Variants in ADAMTSL1 observed in about 807,000 individuals in gnomAD.
The protein encoded by ADAMTSL1 is ADAMTS like 1.
ADAMTSL1 carries 126 observed loss-of-function variants against 201.8 expected under a neutral mutation model. The observed-to-expected ratio is 0.62, with a 90% confidence interval of 0.54 to 0.72. The LOEUF (loss-of-function observed/expected upper bound fraction) is 0.72, where lower values mean the gene tolerates loss of function less well. Ranked by LOEUF, ADAMTSL1 falls within the 30% of genes least tolerant of loss-of-function variation. The pLI, the probability that ADAMTSL1 is intolerant of heterozygous loss-of-function variation, is 0.00. For synonymous variants in ADAMTSL1, 1,121 were observed against 903.4 expected, an observed-to-expected ratio of 1.24 and a Z score of -4.32; for missense variants, 2,679 against 2,277.8, an observed-to-expected ratio of 1.18 and a Z score of -3.59.
At chr9:18,214,002 G>T (rs1829976418) in intron 2 of ADAMTSL1, among the ~76,000 whole-genome samples, 1 of 152,126 alleles carries the variant, frequency 6.6e-6, no homozygotes, top group Admixed American at 6.6e-5. Flanking sequence ...CTCCCAAAGT[G>T]CTGGGATTAC....
chr9:18,617,708 C>T (rs1332466293), intron 4 of ADAMTSL1, among the ~76,000 whole-genome samples: 2 of 152,142 alleles, frequency 1.3e-5, no homozygotes, highest in Non-Finnish European at 2.9e-5. Context: ...TGATAACCCA[C>T]TAGTGGTATC....
At chr9:17,995,834 G>C (rs548669590) in intron 1 of ADAMTSL1, among the ~76,000 whole-genome samples, 1 of 151,278 alleles carries the variant, frequency 6.6e-6, no homozygotes, top group Non-Finnish European at 1.5e-5. Context: ...GGAAATAGAG[G>C]ATCCAGGTTC....
chr9:18,003,171 C>T (rs1337422854), intron 1 of ADAMTSL1, among the ~76,000 whole-genome samples: 4 of 152,098 alleles, frequency 2.6e-5, no homozygotes, highest in East Asian at 3.9e-4. Context: ...CACTAGCTTC[C>T]AGGCTCATCC....
chr9:17,966,867 GGT>G (rs1365275056), intron 1 of ADAMTSL1, among the ~76,000 whole-genome samples: 1 of 151,938 alleles, frequency 6.6e-6, no homozygotes, highest in African/African-American at 2.4e-5. Flanking sequence ...AAAGAAAAAG[GGT>G]GTAATATTTT....
chr9:18,786,208 G>C, intron 19 of ADAMTSL1, among the ~76,000 whole-genome samples: 1 of 152,196 alleles, frequency 6.6e-6, no homozygotes, highest in Non-Finnish European at 1.5e-5. Flanking sequence ...TAGGGAAATG[G>C]CTAAGTCTAA....
intron 2 of ADAMTSL1, among the ~76,000 whole-genome samples, chr9:18,170,669 C>G (rs1018215485): frequency 6.6e-6 from 1 of 151,930 alleles, no homozygotes; most frequent in South Asian, 2.1e-4. Flanking sequence ...AAAGAAAAAG[C>G]CTGGATTGTT....
At chr9:18,265,786 A>G (rs1453747087) in intron 2 of ADAMTSL1, among the ~76,000 whole-genome samples, 1 of 152,216 alleles carries the variant, frequency 6.6e-6, no homozygotes, top group Non-Finnish European at 1.5e-5. Flanking sequence ...GAAGACAGCT[A>G]AATGTTTAGG....
At chr9:18,892,668 A>T in intron 26 of ADAMTSL1, 72 bp downstream of exon 26, 2 of 1,478,124 alleles carry the variant, frequency 1.4e-6, no homozygotes, top group Non-Finnish European at 1.8e-6. Flanking sequence ...TAGGAAGTGA[A>T]ATGCTATCAC....
intron 1 of ADAMTSL1, among the ~76,000 whole-genome samples, chr9:17,916,552 A>T (rs1054061628): frequency 6.6e-6 from 1 of 152,096 alleles, no homozygotes; most frequent in African/African-American, 2.4e-5. Flanking sequence ...TTGTTTTTGC[A>T]TGACTTTTTG....
At chr9:17,918,824 T>G (rs1490652897) in intron 1 of ADAMTSL1, among the ~76,000 whole-genome samples, 1 of 151,918 alleles carries the variant, frequency 6.6e-6, no homozygotes, top group Non-Finnish European at 1.5e-5. Flanking sequence ...CTTGCAGTTC[T>G]AATAGTTTTT....
At chr9:18,049,062 C>T (rs1042771071) in intron 1 of ADAMTSL1, among the ~76,000 whole-genome samples, 5 of 152,104 alleles carry the variant, frequency 3.3e-5, no homozygotes, top group Non-Finnish European at 7.4e-5. Context: ...CATCTTCACA[C>T]TGCTGCTTTC....
chr9:18,613,264 G>C (rs1356897982), intron 4 of ADAMTSL1, among the ~76,000 whole-genome samples: 1 of 152,180 alleles, frequency 6.6e-6, no homozygotes, highest in African/African-American at 2.4e-5. Flanking sequence ...ACTGTTGGTG[G>C]GAGTGTAAAT....
At chr9:18,193,175 T>C (rs888285123) in intron 2 of ADAMTSL1, among the ~76,000 whole-genome samples, 4 of 152,164 alleles carry the variant, frequency 2.6e-5, no homozygotes, top group Non-Finnish European at 4.4e-5. Context: ...CAGATTCAAA[T>C]AACTTTCAAG....
intron 1 of ADAMTSL1, among the ~76,000 whole-genome samples, chr9:18,090,831 C>T (rs1823979854): frequency 6.6e-6 from 1 of 152,092 alleles, no homozygotes; most frequent in South Asian, 2.1e-4. Context: ...CCAACTTTAT[C>T]TCTGCCTTCT....
In ADAMTSL1 at chr9:18,827,412, G is replaced by T. The variant is rs529972376; in HGVS notation, c.4114+949G>T. On this transcript the variant is annotated intron_variant, in intron 22 of 28. Transcript: ENST00000380548. ...AGAGTTGAAGATATACCAACACATA[G>T]GTCCTTCTAGACCCTGCCCACTCAG... Among the ~76,000 whole-genome samples, 130 of 151,614 alleles carry T rather than the reference G, an allele frequency of 8.6e-4. 2 individuals are homozygous for T. Among genetic ancestry groups the T allele is most frequent in the Middle Eastern group, 6.8e-3 (2 of 294 alleles).
At position 18,639,205 on chromosome 9, in the gene ADAMTSL1, G is replaced by A. The variant is rs774739164; in HGVS notation, c.677-49G>A. On this transcript the variant is annotated intron_variant, in intron 6 of 28. Transcript: ENST00000380548. The stretch of plus-strand genomic sequence containing the variant: ...GTTGCATGAAATGTGCTTGCCTGTG[G>A]TTGCCCTAGGAACATCTTTCTCTCA... The A allele has an allele frequency of 5.0e-6, 8 of 1,589,648 alleles. No individual in the cohort carries two copies. In the South Asian group the frequency reaches 7.8e-5, roughly 15 times the overall value.
At chr9:18,130,386 T>A (rs1389977150) in intron 1 of ADAMTSL1, among the ~76,000 whole-genome samples, 1 of 152,166 alleles carries the variant, frequency 6.6e-6, no homozygotes, top group East Asian at 1.9e-4. Context: ...ATGACTACAT[T>A]CTCATTTCCC....
At chr9:18,628,060 C>T (rs2132715068) in intron 5 of ADAMTSL1, among the ~76,000 whole-genome samples, 1 of 152,226 alleles carries the variant, frequency 6.6e-6, no homozygotes, top group Non-Finnish European at 1.5e-5. Flanking sequence ...TTCAAAATTG[C>T]TTAATGTTAT....
intron 2 of ADAMTSL1, among the ~76,000 whole-genome samples, chr9:18,320,597 A>G (rs980685092): frequency 2.6e-5 from 4 of 152,228 alleles, no homozygotes; most frequent in African/African-American, 9.6e-5. Flanking sequence ...GGTAAATACA[A>G]AAGACAGTTT....
Sources: gnomAD v4.1 joint callset for allele counts (sites outside exome capture counted in the v4.1 genomes callset) on GRCh38, gnomAD v4.1.1 for gene constraint, MANE v1.5 for transcripts, NCBI Gene and HGNC (gene_info 2026-07-23, HGNC 2026-07-21) for gene names.